NBEA: variants seen among roughly 807,000 people sequenced by gnomAD.
The protein encoded by NBEA is neurobeachin.
A neutral mutation model predicts 343.4 loss-of-function variants in NBEA; 44 were observed. That is an observed-to-expected ratio of 0.13 (90% CI 0.10 to 0.16). The LOEUF is 0.16. Among genes scored for constraint, NBEA ranks in the 10% least tolerant of loss-of-function variants. The pLI, the probability that NBEA is intolerant of heterozygous loss-of-function variation, is 1.00. For synonymous variants in NBEA, 1,175 were observed against 1,238.7 expected (o/e 0.95, Z 1.08); for missense variants, 2,555 against 3,631.3 (o/e 0.70, Z 7.62).
At chr13:35,085,395 T>G (rs185724305) in intron 10 of NBEA, among the ~76,000 whole-genome samples, 16,156 of 151,952 alleles carry the variant, frequency 0.11, 1,020 homozygotes, top group African/African-American at 0.17. Flanking sequence ...ACGATCAAGT[T>G]GGCTTCATCC....
intron 8 of NBEA, among the ~76,000 whole-genome samples, chr13:35,068,976 G>T (rs1314828948): frequency 6.6e-6 from 1 of 151,978 alleles, no homozygotes; most frequent in Non-Finnish European, 1.5e-5. Flanking sequence ...CTTGAGTTTG[G>T]GACATTTAAT....
At chr13:35,334,583 G>A (rs1397200613) in intron 36 of NBEA, among the ~76,000 whole-genome samples, 1 of 152,122 alleles carries the variant, frequency 6.6e-6, no homozygotes, top group East Asian at 1.9e-4. Flanking sequence ...TTGTAGTTTT[G>A]GTTTGCATTT....
chr13:35,466,001 A>G (rs1431687378), intron 40 of NBEA, among the ~76,000 whole-genome samples: 1 of 152,168 alleles, frequency 6.6e-6, no homozygotes, highest in Non-Finnish European at 1.5e-5. Context: ...GTAAAAATAG[A>G]TGATCTACTA....
At chr13:35,099,896 C>G (rs2065550975) in intron 11 of NBEA, among the ~76,000 whole-genome samples, 1 of 152,018 alleles carries the variant, frequency 6.6e-6, no homozygotes, top group Admixed American at 6.6e-5. Flanking sequence ...CATGAATAAG[C>G]GTTTTTTTAT....
intron 41 of NBEA, among the ~76,000 whole-genome samples, chr13:35,514,386 C>T (rs908130313): frequency 2.6e-5 from 4 of 152,156 alleles, no homozygotes; most frequent in South Asian, 2.1e-4. Context: ...TGCTCTAATC[C>T]GGTATAATTA....
chr13:35,226,866 G>A (rs2074683249), intron 33 of NBEA, among the ~76,000 whole-genome samples: 1 of 151,918 alleles, frequency 6.6e-6, no homozygotes, highest in Non-Finnish European at 1.5e-5. Context: ...TTCCTAAGTT[G>A]TTGGGACTAG....
intron 36 of NBEA, among the ~76,000 whole-genome samples, chr13:35,336,871 T>G (rs2039293720): frequency 6.6e-6 from 1 of 151,766 alleles, no homozygotes; most frequent in Non-Finnish European, 1.5e-5. Context: ...TACATGAGGG[T>G]AGAAGGTGGG....
At chr13:35,429,898 A>T (rs769913445) in intron 38 of NBEA, among the ~76,000 whole-genome samples, 1 of 150,104 alleles carries the variant, frequency 6.7e-6, no homozygotes, top group Non-Finnish European at 1.5e-5. Flanking sequence ...TATTTTTGCA[A>T]TTGCAAATTG....
At chr13:35,349,918 A>C (rs1034441862) in intron 37 of NBEA, among the ~76,000 whole-genome samples, 6 of 152,114 alleles carry the variant, frequency 3.9e-5, no homozygotes, top group African/African-American at 1.4e-4. Flanking sequence ...AGACAGGAAA[A>C]TAGCCACTAT....
chr13:35,385,293 GT>G (rs964404798), intron 38 of NBEA, among the ~76,000 whole-genome samples: 34 of 152,174 alleles, frequency 2.2e-4, no homozygotes, highest in African/African-American at 7.9e-4. Flanking sequence ...TTTATAATTA[GT>G]TTTTTGCCTT....
intron 10 of NBEA, among the ~76,000 whole-genome samples, chr13:35,078,590 T>A (rs1317946724): frequency 6.6e-6 from 1 of 152,116 alleles, no homozygotes; most frequent in Non-Finnish European, 1.5e-5. Context: ...GTAAAATATA[T>A]GTCCTGGAAG....
chr13:35,543,424 T>A (rs1461905071), intron 41 of NBEA, among the ~76,000 whole-genome samples: 1 of 152,230 alleles, frequency 6.6e-6, no homozygotes, highest in Non-Finnish European at 1.5e-5. Flanking sequence ...AAGGATCTAT[T>A]GTCAGAAGTT....
intron 45 of NBEA, among the ~76,000 whole-genome samples, chr13:35,573,012 T>A (rs962533821): frequency 1.4e-4 from 21 of 152,178 alleles, no homozygotes; most frequent in Non-Finnish European, 1.0e-4. Flanking sequence ...GATAAAAGTG[T>A]AAATGTGTAA....
chr13:35,145,348 T>C (rs2068352828), intron 18 of NBEA, among the ~76,000 whole-genome samples: 1 of 152,186 alleles, frequency 6.6e-6, no homozygotes, highest in Admixed American at 6.5e-5. Context: ...ATGGTGTAGT[T>C]TCTTGGGCTT....
chr13:35,162,109 C>T (rs1306682545), intron 23 of NBEA, 142 bp downstream of exon 23: 1 of 658,908 alleles, frequency 1.5e-6, no homozygotes, highest in Non-Finnish European at 2.5e-6. Flanking sequence ...TAAATTAATA[C>T]CATGTACTAA....
At chr13:35,087,249 A>C (rs2064822387) in intron 10 of NBEA, among the ~76,000 whole-genome samples, 1 of 151,840 alleles carries the variant, frequency 6.6e-6, no homozygotes, top group Non-Finnish European at 1.5e-5. Context: ...AACTAGAAAA[A>C]AACATGGTGA....
At chr13:35,272,971 A>G (rs937586092) in intron 34 of NBEA, among the ~76,000 whole-genome samples, 1 of 152,210 alleles carries the variant, frequency 6.6e-6, no homozygotes, top group Non-Finnish European at 1.5e-5. Context: ...AAGGATATCC[A>G]GAACTTGAAC....
rs1020621242 is a variant in NBEA, at chr13:35,543,588, G to A, written c.6586-6889G>A. Among the ~76,000 whole-genome samples the A allele has an allele frequency of 8.6e-5, 13 of 151,980 alleles. No homozygotes were observed. The South Asian group carries it at 1.2e-3, about 15-fold the overall frequency. On this transcript the variant is annotated intron_variant, in intron 41 of 58. Coordinates refer to ENST00000379939, the MANE Select transcript of NBEA (RefSeq NM_001385012.1). ...TTCCAATGCCTCCATCAGGTATTTC[G>A]AATCATCCAATTTGATGCTCCTACC...
intron 49 of NBEA, among the ~76,000 whole-genome samples, chr13:35,631,337 T>A (rs2083444506): frequency 6.6e-6 from 1 of 152,188 alleles, no homozygotes; most frequent in South Asian, 2.1e-4. Flanking sequence ...TGTACTGCTG[T>A]GTTGCGACTT....
Sources: gnomAD v4.1 joint callset for allele counts (sites outside exome capture counted in the v4.1 genomes callset) on GRCh38, gnomAD v4.1.1 for gene constraint, MANE v1.5 for transcripts, NCBI Gene and HGNC (gene_info 2026-07-23, HGNC 2026-07-21) for gene names.